PRELID2: variants seen among roughly 807,000 people sequenced by gnomAD.
PRELID2 encodes the protein PRELI domain-containing protein 2.
In PRELID2, 25 loss-of-function variants were observed where a neutral mutation model predicts 28.4. The observed-to-expected ratio is 0.88, with a 90% CI of 0.64 to 1.23. The LOEUF (loss-of-function observed/expected upper bound fraction) is 1.23. Ranked by LOEUF, PRELID2 falls within the 50% of genes most tolerant of loss-of-function variation. The pLI is 0.00. For synonymous variants in PRELID2, 76 were observed against 71.6 expected (o/e 1.06, Z -0.31); for missense variants, 201 against 214.4 (o/e 0.94, Z 0.39).
At chr5:145,813,296 T>G (rs73306033) in intron 4 of PRELID2, among the ~76,000 whole-genome samples, 3,282 of 152,296 alleles carry the variant, frequency 0.022, 123 homozygotes, top group African/African-American at 0.074. Flanking sequence ...GAATCTTTCT[T>G]GGATGCCCCC....
downstream of PRELID2, among the ~76,000 whole-genome samples, chr5:145,752,389 A>C (rs1490612232): frequency 6.6e-6 from 1 of 152,344 alleles, no homozygotes; most frequent in Non-Finnish European, 1.5e-5. Flanking sequence ...GCAATCGGAA[A>C]CCATAAAATT....
intron 1 of PRELID2, among the ~76,000 whole-genome samples, chr5:145,520,465 G>T (rs116817434): frequency 0.022 from 3,287 of 152,150 alleles, 118 homozygotes; most frequent in African/African-American, 0.076. Flanking sequence ...GCACACACAA[G>T]CCTTCTTCAG....
intron 1 of PRELID2, among the ~76,000 whole-genome samples, chr5:145,646,493 TGGA>T (rs985688483): frequency 1.3e-5 from 2 of 150,828 alleles, no homozygotes; most frequent in African/African-American, 4.8e-5. Context: ...TCCTTTAGCT[TGGA>T]GGAGTTTCTT....
At chr5:145,428,908 A>G in the PRELID2 span, among the ~76,000 whole-genome samples, 24 of 121,288 alleles carry the variant, frequency 2.0e-4, no homozygotes, top group East Asian at 4.8e-3. Context: ...TCTAGGGGCA[A>G]TAAGGAGGCC....
At chr5:145,586,477 T>TA (rs1242403755) in intron 1 of PRELID2, among the ~76,000 whole-genome samples, 1 of 152,020 alleles carries the variant, frequency 6.6e-6, no homozygotes, top group East Asian at 1.9e-4. Flanking sequence ...ATCCCAACCC[T>TA]AAAAAAGAAA....
At chr5:145,642,867 C>T (rs542764438) in intron 1 of PRELID2, among the ~76,000 whole-genome samples, 55 of 152,178 alleles carry the variant, frequency 3.6e-4, no homozygotes, top group African/African-American at 1.1e-3. Flanking sequence ...TCTGCTCCAT[C>T]GGTCAATATA....
the PRELID2 span, among the ~76,000 whole-genome samples, chr5:145,312,164 G>A: frequency 1.3e-5 from 2 of 150,726 alleles, no homozygotes; most frequent in Non-Finnish European, 3.0e-5. Context: ...TGGACAACAT[G>A]ATGAGACTCT....
At chr5:145,355,332 G>A in the PRELID2 span, among the ~76,000 whole-genome samples, 1 of 152,044 alleles carries the variant, frequency 6.6e-6, no homozygotes, top group Admixed American at 6.6e-5. Flanking sequence ...TTTAGTTAAT[G>A]TAAATATTAA....
At chr5:145,514,204 T>C (rs1293737559) in intron 1 of PRELID2, among the ~76,000 whole-genome samples, 1 of 151,452 alleles carries the variant, frequency 6.6e-6, no homozygotes, top group Admixed American at 6.6e-5. Flanking sequence ...GACTGGCAAA[T>C]TGGATAGTCA....
chr5:145,629,068 T>C (rs1753896441), intron 1 of PRELID2, among the ~76,000 whole-genome samples: 1 of 152,188 alleles, frequency 6.6e-6, no homozygotes, highest in South Asian at 2.1e-4. Context: ...TCAAGTCTAA[T>C]CTACCAGAAC....
the PRELID2 span, chr5:145,381,718 T>C: frequency 6.6e-6 from 1 of 152,432 alleles, no homozygotes; most frequent in Non-Finnish European, 1.5e-5. Flanking sequence ...GAGAGATTTT[T>C]CTGCGAACAA....
intron 1 of PRELID2, among the ~76,000 whole-genome samples, chr5:145,724,227 C>G (rs949416478): frequency 2.0e-5 from 3 of 151,858 alleles, no homozygotes; most frequent in Non-Finnish European, 2.9e-5. Flanking sequence ...TATCATGGTC[C>G]CCTTGATATG....
chr5:145,799,445 G>A (rs1163397357), intron 4 of PRELID2, among the ~76,000 whole-genome samples: 1 of 152,076 alleles, frequency 6.6e-6, no homozygotes, highest in Non-Finnish European at 1.5e-5. Flanking sequence ...GACTGCTAGA[G>A]GCCCACAGAG....
At chr5:145,465,110 CT>C in the PRELID2 span, among the ~76,000 whole-genome samples, 102 of 152,232 alleles carry the variant, frequency 6.7e-4, no homozygotes, top group African/African-American at 2.2e-3. Context: ...CCCCATAGTA[CT>C]TTTCATGGCC....
At chr5:145,407,024 G>A in the PRELID2 span, among the ~76,000 whole-genome samples, 1 of 152,188 alleles carries the variant, frequency 6.6e-6, no homozygotes, top group Admixed American at 6.5e-5. Context: ...ACAGGTTGAA[G>A]GAAGCTTCTA....
At position 145,701,778 on chromosome 5, in the gene PRELID2, G is replaced by A. The variant is rs1014945451; in HGVS notation, n.70+63153C>T. 7.9e-5 allele frequency among the ~76,000 whole-genome samples: 12 copies of A among 152,270 alleles called. No individual in the cohort carries two copies. In the South Asian group the frequency reaches 1.0e-3, roughly 13 times the overall value. On this transcript the variant is annotated intron_variant and non_coding_transcript_variant, in intron 1 of 2. Coordinates refer to the PRELID2 transcript ENST00000510259. ...ATAAAATATACATTGAAGGCCGGGC[G>A]CAGTGGCTCACCCCTGTAATCCCAG... is the stretch of plus-strand genomic sequence containing the variant.
intron 1 of PRELID2, among the ~76,000 whole-genome samples, chr5:145,652,459 A>G (rs1754315086): frequency 1.3e-5 from 2 of 152,242 alleles, no homozygotes; most frequent in Admixed American, 1.3e-4. Context: ...CAGATTCACC[A>G]AAGTTGCAAT....
intron 1 of PRELID2, among the ~76,000 whole-genome samples, chr5:145,613,411 A>G (rs947075269): frequency 3.3e-5 from 5 of 149,860 alleles, no homozygotes; most frequent in Non-Finnish European, 5.9e-5. Context: ...CATCATTTAC[A>G]TTAGGTATAT....
At chr5:145,824,442 G>GTC (rs1263232711) in intron 1 of PRELID2, among the ~76,000 whole-genome samples, 1 of 133,300 alleles carries the variant, frequency 7.5e-6, no homozygotes, top group African/African-American at 2.5e-5. Context: ...GTGTGTGTGT[G>GTC]TGTGTGTGTG....
Sources: gnomAD v4.1 joint callset for allele counts (sites outside exome capture counted in the v4.1 genomes callset) on GRCh38, gnomAD v4.1.1 for gene constraint, MANE v1.5 for transcripts, NCBI Gene and HGNC (gene_info 2026-07-23, HGNC 2026-07-21) for gene names.